The following ZZZ3 variants were observed in gnomAD, a reference collection of about 807,000 sequenced individuals.
ZZZ3 encodes zinc finger ZZ-type containing 3, also known as ZZ-type zinc finger-containing protein 3.
A neutral mutation model predicts 95.2 loss-of-function variants in ZZZ3; 22 were observed. The observed-to-expected ratio is 0.23, with a 90% CI of 0.17 to 0.33. ZZZ3 has a LOEUF of 0.33. Among genes scored for constraint, ZZZ3 ranks in the 10% least tolerant of loss-of-function variants. The pLI, the probability that ZZZ3 is intolerant of heterozygous loss-of-function variation, is 1.00. For missense variants in ZZZ3, 885 were observed against 1,066.5 expected (o/e 0.83, Z 2.37); for synonymous variants, 335 against 358.9 (o/e 0.93, Z 0.75).
At chr1:77,592,954 G>A (rs1663862028) in intron 5 of ZZZ3, among the ~76,000 whole-genome samples, 1 of 152,188 alleles carries the variant, frequency 6.6e-6, no homozygotes. Context: ...AAACCAGAAA[G>A]ATAAAACATG....
At position 77,635,486 on chromosome 1, in the gene ZZZ3, G is replaced by A. The variant is rs143893603; in HGVS notation, c.-51-2081C>T. Among the ~76,000 whole-genome samples, 33 of 152,198 alleles carry A rather than the reference G, an allele frequency of 2.2e-4. 1 individual carries two copies. In the East Asian group the frequency reaches 3.9e-3, roughly 18 times the overall value. On this transcript the variant is annotated intron_variant, in intron 4 of 14. Transcript: ENST00000370801. ...AAAGAACAGCTGACATTTAATTATCGTTTGCTAATATATTATCATGAAGAT... is the reference window on the plus strand; with the variant it reads ...AAAGAACAGCTGACATTTAATTATCATTTGCTAATATATTATCATGAAGAT...
At position 77,571,939 on chromosome 1, in the gene ZZZ3, C is replaced by A. The variant is rs750438148; in HGVS notation, c.2332-3473G>T. 2.0e-4 allele frequency among the ~76,000 whole-genome samples: 30 copies of A among 151,944 alleles called. 1 individual carries two copies. Among genetic ancestry groups the A allele is most frequent in the Admixed American group, 6.6e-5 (1 of 15,244 alleles). On this transcript the variant is annotated intron_variant, in intron 12 of 14. Transcript: ENST00000370801. ...AAATTTCATGTTATGTGTATTTCAC[C>A]AAAATTAAAAGAAAAATTTTTTAAA...
At chr1:77,682,781 C>A (rs1672913940), upstream of ZZZ3, 1 of 152,280 alleles carries the variant, frequency 6.6e-6, no homozygotes, top group Admixed American at 6.5e-5. Context: ...AAGCACTTCA[C>A]TAACGGAGTA....
intron 4 of ZZZ3, among the ~76,000 whole-genome samples, chr1:77,634,788 C>T (rs1668146888): frequency 6.6e-6 from 1 of 152,040 alleles, no homozygotes; most frequent in Non-Finnish European, 1.5e-5. Context: ...TGATATTTTC[C>T]AGAGGCTCTC....
intron 5 of ZZZ3, among the ~76,000 whole-genome samples, chr1:77,601,766 G>A (rs1220680397): frequency 4.6e-5 from 7 of 152,102 alleles, no homozygotes; most frequent in African/African-American, 1.4e-4. Context: ...ACAACCTCTA[G>A]GAGTCCTATA....
chr1:77,654,257 G>A (rs1212862334), intron 1 of ZZZ3, among the ~76,000 whole-genome samples: 1 of 151,110 alleles, frequency 6.6e-6, no homozygotes, highest in African/African-American at 2.4e-5. Context: ...AGGCCAAGGT[G>A]AGTTCACTGG....
At chr1:77,667,922 G>A (rs1030504754) in intron 1 of ZZZ3, among the ~76,000 whole-genome samples, 15 of 151,596 alleles carry the variant, frequency 9.9e-5, no homozygotes, top group African/African-American at 3.4e-4. Context: ...CTGCCACCAC[G>A]CCCGGCTAAT....
intron 5 of ZZZ3, among the ~76,000 whole-genome samples, chr1:77,593,318 A>G (rs924679277): frequency 2.6e-5 from 4 of 152,352 alleles, no homozygotes; most frequent in African/African-American, 9.6e-5. Flanking sequence ...TGTTCATAGC[A>G]GCCTTATTAA....
At position 77,578,767 on chromosome 1, in the gene ZZZ3, CT is replaced by C; in HGVS notation, c.2178+6del. The C allele has an allele frequency of 6.7e-7, 1 of 1,485,620 alleles. No individual in the cohort carries two copies. Among genetic ancestry groups the C allele is most frequent in the Non-Finnish European group, 9.0e-7 (1 of 1,115,100 alleles). 92.0% of individuals were successfully genotyped at this position (1,485,620 alleles called of 1,614,324 possible). ...TCTACAGTTTACTTTCATGTATTTT[CT>C]TTTACCTTTTTGGAGTATATATATA... On this transcript the variant is annotated splice_donor_region_variant and intron_variant, in intron 11 of 14. Coordinates refer to ENST00000370801, the MANE Select transcript of ZZZ3 (RefSeq NM_015534.6).
At chr1:77,584,900 A>T (rs754148907) in intron 5 of ZZZ3, 21 of 270,210 alleles carry the variant, frequency 7.8e-5, no homozygotes, top group Non-Finnish European at 1.1e-4. Context: ...CTTGAACCTG[A>T]ACAAGTACCA....
chr1:77,599,852 A>C (rs1219599591), intron 5 of ZZZ3, among the ~76,000 whole-genome samples: 1 of 152,142 alleles, frequency 6.6e-6, no homozygotes, highest in Non-Finnish European at 1.5e-5. Context: ...TTATAACCTC[A>C]AACAATTGTA....
At position 77,639,516 on chromosome 1, in the gene ZZZ3, G is replaced by A. The variant is rs866652882; in HGVS notation, c.-119C>T. On this transcript the variant is annotated 5_prime_UTR_variant, in exon 4 of 15. Transcript: ENST00000370801. ...TTCCTTATATCCTGAAGGAGTTGGAGCTATGATCTAGAATGGAGCTTAAGC... is the reference window on the plus strand; with the variant it reads ...TTCCTTATATCCTGAAGGAGTTGGAACTATGATCTAGAATGGAGCTTAAGC... 4 of 1,452,530 alleles carry A rather than the reference G, an allele frequency of 2.8e-6. No homozygotes were observed. Among genetic ancestry groups the A allele is most frequent in the Non-Finnish European group, 2.7e-6 (3 of 1,091,558 alleles). The allele number at this position is 1,452,530 out of a possible 1,614,324, so 90.0% of individuals were successfully genotyped here.
chr1:77,571,611 A>T (rs1036101135), intron 12 of ZZZ3, among the ~76,000 whole-genome samples: 3 of 152,238 alleles, frequency 2.0e-5, no homozygotes, highest in East Asian at 1.9e-4. Context: ...AAAAGGAAAG[A>T]AATTGTGATA....
At chr1:77,674,310 A>G (rs1326557683) in intron 1 of ZZZ3, among the ~76,000 whole-genome samples, 1 of 152,242 alleles carries the variant, frequency 6.6e-6, no homozygotes, top group Non-Finnish European at 1.5e-5. Flanking sequence ...ACAATAAAAC[A>G]GCTGAATCTC....
chr1:77,628,705 T>C (rs1667529602), intron 5 of ZZZ3, among the ~76,000 whole-genome samples: 1 of 152,226 alleles, frequency 6.6e-6, no homozygotes, highest in South Asian at 2.1e-4. Flanking sequence ...AGGAAAAGTT[T>C]CAACTAGAAT....
intron 5 of ZZZ3, among the ~76,000 whole-genome samples, chr1:77,593,828 C>G (rs1257585539): frequency 6.6e-6 from 1 of 152,002 alleles, no homozygotes; most frequent in Non-Finnish European, 1.5e-5. Flanking sequence ...TTTAAGAGTC[C>G]TAGTTCAAGT....
chr1:77,650,947 T>C (rs938472244), intron 1 of ZZZ3, among the ~76,000 whole-genome samples: 6 of 152,164 alleles, frequency 3.9e-5, no homozygotes, highest in Admixed American at 3.3e-4. Context: ...AAACAATTCA[T>C]TGAGGACATA....
chr1:77,598,888 T>G (rs1386051615), intron 5 of ZZZ3, among the ~76,000 whole-genome samples: 2 of 152,160 alleles, frequency 1.3e-5, no homozygotes, highest in African/African-American at 4.8e-5. Flanking sequence ...TTATATAACT[T>G]TAGCTATTAA....
At chr1:77,665,461 G>A (rs1003744127) in intron 1 of ZZZ3, among the ~76,000 whole-genome samples, 2 of 152,106 alleles carry the variant, frequency 1.3e-5, no homozygotes, top group Non-Finnish European at 2.9e-5. Flanking sequence ...TTAGAATATT[G>A]AAATTACGTA....
Sources: allele counts gnomAD v4.1 joint callset (sites outside exome capture counted in the v4.1 genomes callset), GRCh38; gene constraint gnomAD v4.1.1; transcripts MANE v1.5; gene names NCBI Gene and HGNC (gene_info 2026-07-23, HGNC 2026-07-21).